PHACTR4: variants seen among roughly 807,000 people sequenced by gnomAD.
PHACTR4 encodes phosphatase and actin regulator 4.
Under a neutral mutation model 72.7 loss-of-function variants are expected in PHACTR4, and 51 were observed. That is an observed-to-expected ratio of 0.70 (90% CI 0.56 to 0.89). The LOEUF (loss-of-function observed/expected upper bound fraction) is 0.89, where lower values mean the gene tolerates loss of function less well. PHACTR4 is among the 40% of genes least tolerant of loss of function. The pLI, the probability that PHACTR4 is intolerant of heterozygous loss-of-function variation, is 0.00. For missense variants in PHACTR4, 731 were observed against 861.8 expected, an observed-to-expected ratio of 0.85 and a Z score of 1.90; for synonymous variants, 255 against 302.5, an observed-to-expected ratio of 0.84 and a Z score of 1.63.
chr1:28,489,861 C>A (rs769889794), intron 10 of PHACTR4: 2 of 518,846 alleles, frequency 3.9e-6, no homozygotes, highest in Admixed American at 1.9e-5. Context: ...TTCAGTCTGA[C>A]CAATCCATCC....
rs60280611 is a variant in PHACTR4, at chr1:28,378,198, T to TAAAAAAAAAAAA, written c.-39+8380_-39+8391dup. On this transcript the variant is annotated intron_variant, in intron 1 of 13. Transcript: ENST00000373839. ...GGTGACAGAGCGAGACTCCATCTCATAAAAAAAAAAAAAAAAAATTTGGCC... is the reference window on the plus strand; with the variant it reads ...GGTGACAGAGCGAGACTCCATCTCATAAAAAAAAAAAAAAAAAAAAAAAAAAAAAATTTGGCC... Among the ~76,000 whole-genome samples the TAAAAAAAAAAAA allele has an allele frequency of 1.3e-3, 100 of 76,372 alleles. 2 individuals carry two copies. Among genetic ancestry groups the TAAAAAAAAAAAA allele is most frequent in the African/African-American group, 4.4e-3 (70 of 15,792 alleles). The allele number at this position is 76,372 out of a possible 152,430, so 50.1% of individuals were successfully genotyped here. A position where few individuals can be genotyped will look rare whatever the true frequency, so the allele number is the denominator to read the frequency against.
At chr1:28,456,803 G>C (rs938438674) in intron 2 of PHACTR4, among the ~76,000 whole-genome samples, 2 of 151,944 alleles carry the variant, frequency 1.3e-5, no homozygotes, top group African/African-American at 4.8e-5. Context: ...GCAGAGGATT[G>C]CTTGAGTCCT....
Position 28,459,218 on chromosome 1 carries a change from G to GA in PHACTR4, c.160dup (p.Ser54LysfsTer2), listed in dbSNP as rs761437290. 8.1e-4 allele frequency: 1,175 copies of GA among 1,457,270 alleles called. No homozygotes were observed. The highest frequency in any genetic ancestry group is 1.0e-3 in the Admixed American group (53 of 52,038). 90.3% of individuals were successfully genotyped at this position (1,457,270 alleles called of 1,614,324 possible). ...AGATCTTCAAGCCCTGGAAATGGAG[G>GA]AAAAAAAAAAGTAGTGATAAATTTA... On this transcript the variant is annotated frameshift_variant, in exon 3 of 14. Coordinates refer to ENST00000373839, the MANE Select transcript of PHACTR4 (RefSeq NM_001048183.3). LOFTEE classifies it high-confidence loss of function.
intron 7 of PHACTR4, 122 bp from the exon 8 acceptor site, chr1:28,475,978 TCCATCTC>T: frequency 1.2e-6 from 1 of 803,858 alleles, no homozygotes; most frequent in Non-Finnish European, 1.8e-6. Context: ...TTTGCCCACC[TCCATCTC>T]CCAAAGTGCT....
At chr1:28,399,084 G>T (rs1472766592) in intron 1 of PHACTR4, among the ~76,000 whole-genome samples, 1 of 152,044 alleles carries the variant, frequency 6.6e-6, no homozygotes, top group Non-Finnish European at 1.5e-5. Flanking sequence ...GGCCGAGGCG[G>T]GTGGATCACC....
At chr1:28,459,542 C>T (rs1156286761) in intron 3 of PHACTR4, among the ~76,000 whole-genome samples, 1 of 151,726 alleles carries the variant, frequency 6.6e-6, no homozygotes, top group Non-Finnish European at 1.5e-5. Flanking sequence ...GCTGGAAGTA[C>T]AAGCATGAGC....
At chr1:28,483,933 A>G (rs1017991230) in intron 9 of PHACTR4, among the ~76,000 whole-genome samples, 1 of 151,862 alleles carries the variant, frequency 6.6e-6, no homozygotes, top group Non-Finnish European at 1.5e-5. Flanking sequence ...GCTCATGCCT[A>G]TAATCTCCGT....
At chr1:28,401,662 G>T (rs988741942) in intron 1 of PHACTR4, among the ~76,000 whole-genome samples, 1 of 151,952 alleles carries the variant, frequency 6.6e-6, no homozygotes, top group African/African-American at 2.4e-5. Flanking sequence ...CTGGAGTGCC[G>T]TGGTGCAGTC....
chr1:28,377,979 C>CTT (rs1289727576), intron 1 of PHACTR4, among the ~76,000 whole-genome samples: 1 of 147,788 alleles, frequency 6.8e-6, no homozygotes, highest in South Asian at 2.2e-4. Flanking sequence ...GGGCGGATCA[C>CTT]GAGGTCAGGA....
chr1:28,458,999 C>T, intron 2 of PHACTR4, 86 bp from the exon 3 acceptor site: 1 of 1,252,756 alleles, frequency 8.0e-7, no homozygotes, highest in Non-Finnish European at 1.1e-6. Flanking sequence ...TTCCAACTAC[C>T]ACAGGAAGAG....
At position 28,417,313 on chromosome 1, in the gene PHACTR4, G is replaced by A. The variant is rs139847903; in HGVS notation, c.16+9850G>A. Among the ~76,000 whole-genome samples the A allele has an allele frequency of 4.1e-4, 63 of 152,082 alleles. No homozygotes were observed. In the South Asian group the frequency reaches 5.6e-3, roughly 14 times the overall value. On this transcript the variant is annotated intron_variant, in intron 2 of 13. Coordinates refer to ENST00000373839, the MANE Select transcript of PHACTR4 (RefSeq NM_001048183.3). ...ATAATACTGAACCCCAATATGTACTGTTTTTTTCCTGTATATACATACATA... is the reference window on the plus strand; with the variant it reads ...ATAATACTGAACCCCAATATGTACTATTTTTTTCCTGTATATACATACATA...
chr1:28,388,914 C>T (rs886908109), intron 1 of PHACTR4, among the ~76,000 whole-genome samples: 3 of 152,160 alleles, frequency 2.0e-5, no homozygotes, highest in Middle Eastern at 3.4e-3. Context: ...TGTAAAACTA[C>T]TAGAAGCAAA....
chr1:28,394,263 A>G (rs1260943052), intron 1 of PHACTR4, among the ~76,000 whole-genome samples: 1 of 151,594 alleles, frequency 6.6e-6, no homozygotes, highest in Non-Finnish European at 1.5e-5. Context: ...AAAAAAAAAA[A>G]AAAAGAAAGA....
rs148072000 is a variant in PHACTR4 at position 28,479,783 on chromosome 1, C to T, written c.1607-668C>T. On this transcript the variant is annotated intron_variant, in intron 8 of 13. Transcript: ENST00000373839. The stretch of plus-strand genomic sequence containing the variant: ...TGACCCACGCCTATAATCTCAGCTA[C>T]TCAGGAGGCTAAGGCAGGAGAATCA... Among the ~76,000 whole-genome samples the T allele has an allele frequency of 5.1e-3, 771 of 152,118 alleles. 5 individuals carry two copies. The highest frequency in any genetic ancestry group is 0.017 in the African/African-American group (723 of 41,486).
intron 2 of PHACTR4, among the ~76,000 whole-genome samples, chr1:28,417,928 G>C (rs1655208019): frequency 6.9e-6 from 1 of 145,276 alleles, no homozygotes; most frequent in African/African-American, 2.6e-5. Flanking sequence ...GAACAGCCTA[G>C]GCAACATTGG....
At chr1:28,423,054 G>T (rs1225047558) in intron 2 of PHACTR4, among the ~76,000 whole-genome samples, 1 of 152,162 alleles carries the variant, frequency 6.6e-6, no homozygotes, top group Non-Finnish European at 1.5e-5. Context: ...CTCCCAAATT[G>T]CTGGGATTAC....
chr1:28,382,642 A>G (rs1652274652), intron 1 of PHACTR4, among the ~76,000 whole-genome samples: 3 of 151,796 alleles, frequency 2.0e-5, no homozygotes, highest in Admixed American at 6.6e-5. Context: ...CCAGAATGGT[A>G]TTGCCTAGCT....
At chr1:28,453,298 A>G (rs1370092386) in intron 2 of PHACTR4, among the ~76,000 whole-genome samples, 1 of 152,202 alleles carries the variant, frequency 6.6e-6, no homozygotes, top group Non-Finnish European at 1.5e-5. Flanking sequence ...TTAGTGCAAT[A>G]TCATAAATCT....
At chr1:28,489,561 G>A (rs528840482) in intron 10 of PHACTR4, among the ~76,000 whole-genome samples, 33 of 152,316 alleles carry the variant, frequency 2.2e-4, no homozygotes, top group African/African-American at 6.3e-4. Context: ...GGAGGTAGCT[G>A]TGCATATGGA....
Sources: gnomAD v4.1 joint callset for allele counts (sites outside exome capture counted in the v4.1 genomes callset) on GRCh38, gnomAD v4.1.1 for gene constraint, MANE v1.5 for transcripts, NCBI Gene and HGNC (gene_info 2026-07-23, HGNC 2026-07-21) for gene names.